The following SRGAP3 variants were observed in gnomAD, a reference collection of about 807,000 sequenced individuals.
SRGAP3 encodes the protein SLIT-ROBO Rho GTPase activating protein 3, also known as SLIT-ROBO Rho GTPase-activating protein 3.
Under a neutral mutation model 121.1 loss-of-function variants are expected in SRGAP3, and 39 were observed. That is an observed-to-expected ratio of 0.32 (90% CI 0.25 to 0.42). The LOEUF is 0.42. Ranked by LOEUF, SRGAP3 falls within the 10% of genes least tolerant of loss-of-function variation. The probability of loss-of-function intolerance (pLI) is 1.00; values close to 1 mark genes in which losing one functional copy is unlikely to be tolerated. For missense variants in SRGAP3, 1,213 were observed against 1,470.6 expected, an observed-to-expected ratio of 0.82 and a Z score of 2.86; for synonymous variants, 601 against 570.0, an observed-to-expected ratio of 1.05 and a Z score of -0.77.
intron 1 of SRGAP3, chr3:9,348,864 C>T: frequency 1.6e-6 from 2 of 1,256,274 alleles, no homozygotes; most frequent in Non-Finnish European, 1.2e-6. Flanking sequence ...CGCAGGTTTG[C>T]AAACCTCACT....
intron 3 of SRGAP3, among the ~76,000 whole-genome samples, chr3:9,291,014 G>T (rs1262657351): frequency 6.6e-6 from 1 of 152,152 alleles, no homozygotes; most frequent in African/African-American, 2.4e-5. Context: ...GGTCAAAAAA[G>T]AGAGGCATTG....
chr3:9,131,834 T>C (rs1412055425), intron 1 of SRGAP3, among the ~76,000 whole-genome samples: 4 of 152,158 alleles, frequency 2.6e-5, no homozygotes, highest in African/African-American at 7.2e-5. Flanking sequence ...CCATTGCTTA[T>C]AGGATCAAAG....
chr3:9,016,764 C>CA (rs1366599784), intron 14 of SRGAP3, among the ~76,000 whole-genome samples: 5 of 152,298 alleles, frequency 3.3e-5, no homozygotes, highest in African/African-American at 9.6e-5. Context: ...ACTGGGGTTG[C>CA]AAAACGGTGA....
At chr3:9,263,684 T>A (rs996905539) in intron 3 of SRGAP3, among the ~76,000 whole-genome samples, 5 of 152,126 alleles carry the variant, frequency 3.3e-5, no homozygotes, top group Admixed American at 6.5e-5. Context: ...AAAACTTGAA[T>A]CCCTGAAGAG....
chr3:9,193,631 AG>A (rs1253504343), intron 1 of SRGAP3: 3 of 152,288 alleles, frequency 2.0e-5, no homozygotes, highest in South Asian at 2.1e-4. Flanking sequence ...AGTTGGGGGC[AG>A]GGTTGAAGGA....
intron 2 of SRGAP3, among the ~76,000 whole-genome samples, chr3:9,120,303 C>T (rs751998824): frequency 6.6e-6 from 1 of 152,200 alleles, no homozygotes; most frequent in Non-Finnish European, 1.5e-5. Context: ...ATAGAAGTGA[C>T]ATCTCAGTGC....
intron 2 of SRGAP3, among the ~76,000 whole-genome samples, chr3:9,106,918 C>T (rs989965631): frequency 1.3e-5 from 2 of 152,048 alleles, no homozygotes; most frequent in African/African-American, 2.4e-5. Flanking sequence ...CCCACCCCAC[C>T]CCCACCACCC....
intron 1 of SRGAP3, among the ~76,000 whole-genome samples, chr3:9,155,846 C>T (rs1170152690): frequency 2.0e-5 from 3 of 152,160 alleles, no homozygotes; most frequent in South Asian, 2.1e-4. Flanking sequence ...GACGGAGTCT[C>T]GCTCTGTCGC....
intron 10 of SRGAP3, among the ~76,000 whole-genome samples, chr3:9,042,438 G>GA (rs3070001): frequency 4.6e-3 from 612 of 132,724 alleles, no homozygotes; most frequent in East Asian, 0.017. Context: ...TTTATTTACA[G>GA]AAAAAAAAAA....
chr3:9,259,592 G>A (rs1196818363), intron 3 of SRGAP3, among the ~76,000 whole-genome samples: 1 of 152,156 alleles, frequency 6.6e-6, no homozygotes, highest in Admixed American at 6.5e-5. Flanking sequence ...ACAGGCATGA[G>A]CCACTGCACC....
chr3:9,341,032 G>A (rs1350940960), intron 1 of SRGAP3, among the ~76,000 whole-genome samples: 1 of 152,218 alleles, frequency 6.6e-6, no homozygotes, highest in African/African-American at 2.4e-5. Context: ...CTCGCAGAAA[G>A]TGTCCTCACA....
Position 9,300,754 on chromosome 3 carries a change from G to A in SRGAP3, n.442+25256C>T, listed in dbSNP as rs141325425. Among the ~76,000 whole-genome samples, 327 of 152,306 alleles carry A rather than the reference G, an allele frequency of 2.1e-3. 2 individuals carry two copies. Among genetic ancestry groups the A allele is most frequent in the Middle Eastern group, 0.02 (6 of 294 alleles). On this transcript the variant is annotated intron_variant and non_coding_transcript_variant, in intron 3 of 3. Coordinates refer to the SRGAP3 transcript ENST00000490889. ...ATTTTTGGTTGTCATGCAACAGAGT[G>A]GGAGAAGGAAGTGTTACTGGAAACC...
At chr3:9,184,555 G>A (rs1951536001) in intron 1 of SRGAP3, among the ~76,000 whole-genome samples, 1 of 152,132 alleles carries the variant, frequency 6.6e-6, no homozygotes, top group Admixed American at 6.6e-5. Context: ...CTCAGTAAAT[G>A]GGTGTTGTTA....
At chr3:9,351,809 C>T (rs1489369400) in intron 1 of SRGAP3, among the ~76,000 whole-genome samples, 2 of 152,052 alleles carry the variant, frequency 1.3e-5, no homozygotes, top group Non-Finnish European at 2.9e-5. Context: ...CAAATTATAC[C>T]CCCAGTTAAC....
At chr3:9,330,040 C>T (rs114600305) in intron 2 of SRGAP3, among the ~76,000 whole-genome samples, 5,553 of 152,280 alleles carry the variant, frequency 0.036, 105 homozygotes, top group Middle Eastern at 0.058. Flanking sequence ...TATAAGACTT[C>T]GCTGCCTCCC....
At chr3:9,282,889 T>C (rs1258960434) in intron 3 of SRGAP3, among the ~76,000 whole-genome samples, 1 of 152,208 alleles carries the variant, frequency 6.6e-6, no homozygotes, top group Admixed American at 6.5e-5. Context: ...CAGATAATTG[T>C]GAATTTTCTA....
chr3:9,262,687 T>C (rs1317437273), intron 3 of SRGAP3, among the ~76,000 whole-genome samples: 2 of 152,062 alleles, frequency 1.3e-5, no homozygotes, highest in Non-Finnish European at 2.9e-5. Flanking sequence ...TAAATATATA[T>C]GCACCCAATA....
intron 3 of SRGAP3, among the ~76,000 whole-genome samples, chr3:9,312,616 T>C (rs1239018675): frequency 6.6e-6 from 1 of 152,232 alleles, no homozygotes; most frequent in African/African-American, 2.4e-5. Flanking sequence ...TCTCTGCTGT[T>C]ATGAAATGAA....
At chr3:9,323,605 C>T (rs1490896974) in intron 3 of SRGAP3, among the ~76,000 whole-genome samples, 3 of 151,596 alleles carry the variant, frequency 2.0e-5, no homozygotes, top group Admixed American at 6.6e-5. Flanking sequence ...CTCTGGGATC[C>T]AAGGAAAACT....
Sources: gnomAD v4.1 joint callset for allele counts (sites outside exome capture counted in the v4.1 genomes callset) on GRCh38, gnomAD v4.1.1 for gene constraint, MANE v1.5 for transcripts, NCBI Gene and HGNC (gene_info 2026-07-23, HGNC 2026-07-21) for gene names.